The following ERBB4 variants were observed in gnomAD, a reference collection of about 807,000 sequenced individuals.
ERBB4 encodes receptor tyrosine-protein kinase erbB-4.
ERBB4 carries 42 observed loss-of-function variants against 158.0 expected under a neutral mutation model. The observed-to-expected ratio is 0.27, with a 90% confidence interval of 0.21 to 0.34. The LOEUF (loss-of-function observed/expected upper bound fraction) is 0.34. Ranked by LOEUF, ERBB4 falls within the 10% of genes least tolerant of loss-of-function variation. The pLI, the probability that ERBB4 is intolerant of heterozygous loss-of-function variation, is 1.00. For synonymous variants in ERBB4, 583 were observed against 558.7 expected (o/e 1.04, Z -0.61); for missense variants, 1,333 against 1,624.1 (o/e 0.82, Z 3.08).
chr2:212,168,084 C>G (rs1304705292), intron 1 of ERBB4, among the ~76,000 whole-genome samples: 2 of 143,654 alleles, frequency 1.4e-5, no homozygotes, highest in Non-Finnish European at 3.1e-5. Context: ...AAAAAAAAAA[C>G]TTGTCTCATT....
chr2:212,518,859 G>A (rs1168617536), intron 1 of ERBB4, among the ~76,000 whole-genome samples: 3 of 151,972 alleles, frequency 2.0e-5, no homozygotes, highest in Non-Finnish European at 4.4e-5. Flanking sequence ...AGGGCAGGGA[G>A]TAAATGTCAG....
chr2:212,286,035 C>G (rs1159842667), intron 1 of ERBB4, among the ~76,000 whole-genome samples: 3 of 152,082 alleles, frequency 2.0e-5, no homozygotes, highest in African/African-American at 7.2e-5. Context: ...CAGATATAGT[C>G]AAATGTCATA....
intron 3 of ERBB4, among the ~76,000 whole-genome samples, chr2:211,943,627 G>A (rs2080569109): frequency 6.6e-6 from 1 of 152,042 alleles, no homozygotes; most frequent in Non-Finnish European, 1.5e-5. Flanking sequence ...TTTATAGATT[G>A]TGTGGCCTAT....
chr2:211,971,126 G>T (rs2081440610), intron 2 of ERBB4, among the ~76,000 whole-genome samples: 1 of 152,008 alleles, frequency 6.6e-6, no homozygotes, highest in African/African-American at 2.4e-5. Flanking sequence ...TTTCTCTTTT[G>T]CTTATGAAGC....
chr2:211,907,860 G>T (rs1335178918), intron 3 of ERBB4, among the ~76,000 whole-genome samples: 1 of 151,634 alleles, frequency 6.6e-6, no homozygotes, highest in Non-Finnish European at 1.5e-5. Flanking sequence ...ATTTAAGTTT[G>T]GGAGTTTAAG....
chr2:212,198,055 C>T (rs971654124), intron 1 of ERBB4, among the ~76,000 whole-genome samples: 4 of 151,982 alleles, frequency 2.6e-5, no homozygotes, highest in South Asian at 2.1e-4. Flanking sequence ...CATAATATGC[C>T]GTAATGTATA....
At chr2:211,678,318 CAAA>C (rs60505220) in intron 13 of ERBB4, among the ~76,000 whole-genome samples, 21,760 of 144,206 alleles carry the variant, frequency 0.15, 1,820 homozygotes, top group Non-Finnish European at 0.17. Context: ...AACAAACAAA[CAAA>C]AAAAAAAAAA....
chr2:212,341,440 C>T (rs1180889873), intron 1 of ERBB4, among the ~76,000 whole-genome samples: 3 of 151,576 alleles, frequency 2.0e-5, no homozygotes, highest in African/African-American at 4.8e-5. Context: ...TTTTAGCTTC[C>T]TTTTATTTTT....
At chr2:212,034,986 T>G (rs1449831534) in intron 2 of ERBB4, among the ~76,000 whole-genome samples, 1 of 152,196 alleles carries the variant, frequency 6.6e-6, no homozygotes, top group Non-Finnish European at 1.5e-5. Context: ...GATTCATTAT[T>G]TCCCGCTGAC....
chr2:211,875,025 CAAAAAA>C (rs746636278), intron 3 of ERBB4, among the ~76,000 whole-genome samples: 1 of 27,026 alleles, frequency 3.7e-5, no homozygotes, highest in African/African-American at 1.5e-4. Context: ...AATAGAAATG[CAAAAAA>C]AAAAAAAAAA....
chr2:211,457,948 C>G (rs1159972760), intron 20 of ERBB4, among the ~76,000 whole-genome samples: 1 of 152,194 alleles, frequency 6.6e-6, no homozygotes, highest in East Asian at 1.9e-4. Context: ...TGTGCTACTT[C>G]AGATCCTTTT....
At chr2:211,484,029 T>C (rs919401004) in intron 20 of ERBB4, among the ~76,000 whole-genome samples, 3 of 152,198 alleles carry the variant, frequency 2.0e-5, no homozygotes, top group Non-Finnish European at 4.4e-5. Flanking sequence ...TGAAAGAATT[T>C]AAAATCAGTA....
At chr2:212,459,881 C>G (rs1412138546) in intron 1 of ERBB4, among the ~76,000 whole-genome samples, 1 of 152,038 alleles carries the variant, frequency 6.6e-6, no homozygotes, top group Non-Finnish European at 1.5e-5. Flanking sequence ...AAACTGGATA[C>G]CCATATGGAA....
intron 1 of ERBB4, among the ~76,000 whole-genome samples, chr2:212,422,303 G>T (rs74754693): frequency 5.3e-5 from 8 of 151,988 alleles, no homozygotes; most frequent in African/African-American, 1.9e-4. Context: ...TCAGTAGCTC[G>T]AGACCAGTCT....
intron 1 of ERBB4, among the ~76,000 whole-genome samples, chr2:212,189,749 G>A (rs1455396879): frequency 6.6e-6 from 1 of 152,104 alleles, no homozygotes; most frequent in Non-Finnish European, 1.5e-5. Flanking sequence ...ACATATCTGA[G>A]TACCATCCAT....
chr2:211,426,684 C>G (rs2063635793), intron 22 of ERBB4, among the ~76,000 whole-genome samples: 1 of 151,432 alleles, frequency 6.6e-6, no homozygotes, highest in African/African-American at 2.4e-5. Context: ...AATTTGCCTT[C>G]AGGAGACTGC....
chr2:212,149,530 A>T (rs2080798197), intron 1 of ERBB4, among the ~76,000 whole-genome samples: 1 of 152,228 alleles, frequency 6.6e-6, no homozygotes, highest in South Asian at 2.1e-4. Flanking sequence ...GCTAACTTAC[A>T]GGAAGGTAGA....
intron 20 of ERBB4, among the ~76,000 whole-genome samples, chr2:211,463,564 T>C (rs1032838449): frequency 6.6e-6 from 1 of 152,162 alleles, no homozygotes; most frequent in Non-Finnish European, 1.5e-5. Context: ...AATGTGCTAA[T>C]AGGTCAGGCG....
chr2:211,970,851 T>G (rs926805302), intron 2 of ERBB4, among the ~76,000 whole-genome samples: 3 of 152,192 alleles, frequency 2.0e-5, no homozygotes, highest in African/African-American at 7.2e-5. Flanking sequence ...CTGTGTCATT[T>G]AATTGGGGCA....
Sources: allele counts gnomAD v4.1 joint callset (sites outside exome capture counted in the v4.1 genomes callset), GRCh38; gene constraint gnomAD v4.1.1; transcripts MANE v1.5; gene names NCBI Gene and HGNC (gene_info 2026-07-23, HGNC 2026-07-21).